Variants in GFRA2 observed in about 807,000 individuals in gnomAD.
GFRA2 encodes the protein GDNF family receptor alpha-2.
In GFRA2, 17 loss-of-function variants were observed where a neutral mutation model predicts 48.3. That is an observed-to-expected ratio of 0.35 (90% CI 0.24 to 0.53). The LOEUF (loss-of-function observed/expected upper bound fraction) is 0.53. Ranked by LOEUF, GFRA2 falls within the 20% of genes least tolerant of loss-of-function variation. GFRA2 has a pLI of 0.93. For synonymous variants in GFRA2, 305 were observed against 257.2 expected (o/e 1.19, Z -1.78); for missense variants, 660 against 637.3 (o/e 1.04, Z -0.38).
chr8:21,777,322 T>G (rs1585330824), intron 2 of GFRA2, among the ~76,000 whole-genome samples: 1 of 129,878 alleles, frequency 7.7e-6, no homozygotes, highest in African/African-American at 2.9e-5. Context: ...TGCCCCGGGG[T>G]GGTGTGGGGG....
intron 4 of GFRA2, among the ~76,000 whole-genome samples, chr8:21,737,300 T>G (rs1585275777): frequency 6.6e-6 from 1 of 150,910 alleles, no homozygotes; most frequent in South Asian, 2.1e-4. Context: ...ACCTGGGAGG[T>G]GGAGGTTGCA....
chr8:21,756,496 T>C (rs1805576448), intron 3 of GFRA2, among the ~76,000 whole-genome samples: 1 of 152,032 alleles, frequency 6.6e-6, no homozygotes, highest in East Asian at 1.9e-4. Context: ...AGGGAGATGG[T>C]GGGGTCAGGG....
At chr8:21,807,908 C>T (rs1386552662) in intron 1 of GFRA2, among the ~76,000 whole-genome samples, 2 of 152,192 alleles carry the variant, frequency 1.3e-5, no homozygotes, top group South Asian at 4.1e-4. Context: ...AGACTGTGCT[C>T]TGATAAGAAA....
intron 1 of GFRA2, chr8:21,805,235 A>G (rs1807838510): frequency 6.6e-6 from 1 of 152,186 alleles, no homozygotes; most frequent in East Asian, 1.9e-4. Flanking sequence ...CCTAGTCTAC[A>G]ATTCTGTTTC....
intron 2 of GFRA2, among the ~76,000 whole-genome samples, chr8:21,781,659 C>CT (rs1369434027): frequency 6.6e-6 from 1 of 152,070 alleles, no homozygotes; most frequent in Admixed American, 6.5e-5. Context: ...ATCCGCACCT[C>CT]CCCAGACTCG....
At chr8:21,784,461 C>G (rs943380001) in intron 1 of GFRA2, 25 of 403,718 alleles carry the variant, frequency 6.2e-5, no homozygotes, top group African/African-American at 4.9e-4. Flanking sequence ...CCCAGAACAG[C>G]CACTCTCAGG....
intron 2 of GFRA2, among the ~76,000 whole-genome samples, chr8:21,802,987 C>T (rs917355276): frequency 2.6e-5 from 4 of 152,276 alleles, no homozygotes; most frequent in African/African-American, 4.8e-5. Flanking sequence ...TATCAGACTT[C>T]GGTCAACAAA....
At chr8:21,798,562 A>T (rs942906343) in intron 2 of GFRA2, among the ~76,000 whole-genome samples, 9 of 152,172 alleles carry the variant, frequency 5.9e-5, no homozygotes, top group Non-Finnish European at 1.2e-4. Context: ...TTCCTCTAGG[A>T]TAACAGTCCT....
chr8:21,712,411 C>T (rs1179165870), intron 4 of GFRA2, among the ~76,000 whole-genome samples: 272 of 150,282 alleles, frequency 1.8e-3, no homozygotes, highest in Middle Eastern at 3.4e-3. Flanking sequence ...AGACGATGGG[C>T]GGCCGGGCAG....
chr8:21,733,845 GA>G (rs1437142456), intron 4 of GFRA2, among the ~76,000 whole-genome samples: 3 of 152,194 alleles, frequency 2.0e-5, no homozygotes, highest in Non-Finnish European at 4.4e-5. Flanking sequence ...TTGTCTGGCA[GA>G]GACTCCTCCG....
intron 2 of GFRA2, among the ~76,000 whole-genome samples, chr8:21,799,111 C>T (rs1381488340): frequency 6.6e-6 from 1 of 152,208 alleles, no homozygotes; most frequent in Non-Finnish European, 1.5e-5. Flanking sequence ...GTTCAAACCA[C>T]TTATCTACTT....
In GFRA2 at chr8:21,806,595, G is replaced by A. The variant is rs1232429157; in HGVS notation, c.-147-1467C>T. On this transcript the variant is annotated intron_variant, in intron 1 of 10. Coordinates refer to the GFRA2 transcript ENST00000517328. ...TCCTCCTACCTCAGCCTCCTGAGTA[G>A]CTGGGACTACAGGCCTAAGCCAACA... 7.2e-5 allele frequency among the ~76,000 whole-genome samples: 11 copies of A among 152,144 alleles called. 1 individual carries two copies. Among genetic ancestry groups the A allele is most frequent in the Admixed American group, 7.2e-4 (11 of 15,272 alleles).
At chr8:21,696,474 C>G (rs1802181271) in intron 7 of GFRA2, among the ~76,000 whole-genome samples, 1 of 152,154 alleles carries the variant, frequency 6.6e-6, no homozygotes, top group African/African-American at 2.4e-5. Flanking sequence ...AAGAAGGGCC[C>G]CAGGGTGGGG....
At chr8:21,772,599 C>A (rs1806488504) in intron 3 of GFRA2, among the ~76,000 whole-genome samples, 1 of 152,174 alleles carries the variant, frequency 6.6e-6, no homozygotes. Context: ...TCAACAGAGG[C>A]AATGAGGAGG....
intron 4 of GFRA2, among the ~76,000 whole-genome samples, chr8:21,747,347 A>G (rs971365825): frequency 2.2e-4 from 34 of 152,270 alleles, no homozygotes; most frequent in Non-Finnish European, 4.0e-4. Flanking sequence ...ACTGTGGCAA[A>G]TGGCAGCGTG....
chr8:21,695,792 G>C (rs531023982), intron 7 of GFRA2, among the ~76,000 whole-genome samples: 5 of 152,144 alleles, frequency 3.3e-5, no homozygotes, highest in African/African-American at 1.2e-4. Flanking sequence ...AGGCTGTGCT[G>C]TCATAATGGC....
intron 4 of GFRA2, among the ~76,000 whole-genome samples, chr8:21,729,524 A>G (rs891400143): frequency 2.6e-5 from 4 of 152,146 alleles, no homozygotes; most frequent in Non-Finnish European, 5.9e-5. Context: ...TCGCACTTAC[A>G]GATTTCCCCT....
chr8:21,774,547 A>T (rs973545297), intron 3 of GFRA2, among the ~76,000 whole-genome samples: 1 of 152,030 alleles, frequency 6.6e-6, no homozygotes, highest in African/African-American at 2.4e-5. Flanking sequence ...ACCCACTTAG[A>T]CCTCGCAGCA....
chr8:21,787,034 T>A (rs2117089091), intron 1 of GFRA2, among the ~76,000 whole-genome samples: 1 of 151,912 alleles, frequency 6.6e-6, no homozygotes, highest in South Asian at 2.1e-4. Context: ...CCCGGCTCCC[T>A]CTATGGGAGC....
Sources: gnomAD v4.1 joint callset for allele counts (sites outside exome capture counted in the v4.1 genomes callset) on GRCh38, gnomAD v4.1.1 for gene constraint, MANE v1.5 for transcripts, NCBI Gene and HGNC (gene_info 2026-07-23, HGNC 2026-07-21) for gene names.